The following CDKN2A variants were observed in gnomAD, a reference collection of about 807,000 sequenced individuals.
CDKN2A encodes the protein cyclin dependent kinase inhibitor 2A.
A neutral mutation model predicts 11.1 loss-of-function variants in CDKN2A; 3 were observed. That is an observed-to-expected ratio of 0.27 (90% CI 0.12 to 0.70). CDKN2A has a LOEUF of 0.70. Among genes scored for constraint, CDKN2A ranks in the 30% least tolerant of loss-of-function variants. The pLI is 0.77. For missense variants in CDKN2A, 265 were observed against 233.6 expected, an observed-to-expected ratio of 1.13 and a Z score of -0.88; for synonymous variants, 122 against 108.1, an observed-to-expected ratio of 1.13 and a Z score of -0.80.
chr9:21,974,751 T>A lies in CDKN2A; in HGVS notation c.77A>T (p.Glu26Val), dbSNP rs1457675338. 6.2e-7 allele frequency: 1 copy of A among 1,611,192 alleles called. No individual in the cohort carries two copies. Among genetic ancestry groups the A allele is most frequent in the Non-Finnish European group, 8.5e-7 (1 of 1,179,600 alleles). The change falls in exon 1 of 3, where the codon GAG becomes GTG. Residue 26 changes from glutamate (E) to valine (V), a missense_variant. Coordinates refer to ENST00000304494, the MANE Select transcript of CDKN2A (RefSeq NM_000077.5). This position sits in a 1 kb window ranked among gnomAD's most constrained non-coding sequence, Gnocchi z 5.2. ...LATAAARGRV[E>V]EVRALLEAGA... ...CGCCTCCAGCAGCGCCCGCACCTCCTCTACCCGACCCCGGGCCGCGGCCGT... is the reference window on the plus strand; with the variant it reads ...CGCCTCCAGCAGCGCCCGCACCTCCACTACCCGACCCCGGGCCGCGGCCGT...
Position 21,971,192 on chromosome 9 carries a change from C to A in CDKN2A, c.167G>T (p.Ser56Ile), listed in dbSNP as rs104894109. 2 of 1,597,782 alleles carry A rather than the reference C, an allele frequency of 1.3e-6. No homozygotes were observed. Among genetic ancestry groups the A allele is most frequent in the Non-Finnish European group, 1.7e-6 (2 of 1,178,928 alleles). ...RRPIQVMMMG[S>I]ARVAELLLLH... Reference sequence around the variant, plus strand: ...CAGCAGCAGCTCCGCCACTCGGGCGCTGCCCATCATCATGACCTGCCAGAG... The same window carrying A: ...CAGCAGCAGCTCCGCCACTCGGGCGATGCCCATCATCATGACCTGCCAGAG... The change falls in exon 2 of 3, where the codon AGC (serine) becomes ATC (isoleucine). Residue 56 changes from serine to isoleucine, a missense_variant. Coordinates refer to ENST00000304494, the MANE Select transcript of CDKN2A (RefSeq NM_000077.5).
chr9:21,976,041 C>A (rs1258373706), upstream of CDKN2A, among the ~76,000 whole-genome samples: 1 of 152,072 alleles, frequency 6.6e-6, no homozygotes. Context: ...TTGAATTATC[C>A]GCTTTGAGGA....
intron 2 of CDKN2A, among the ~76,000 whole-genome samples, chr9:21,987,424 CACACACACAGAGAGAGAGAGAGAG>C (rs1219642504): frequency 4.2e-5 from 5 of 119,134 alleles, no homozygotes; most frequent in Non-Finnish European, 8.9e-5. Context: ...CACACACACA[CACACACACAGAGAGAGAGAGAGAG>C]AGAGAGAGAT....
intron 2 of CDKN2A, among the ~76,000 whole-genome samples, chr9:21,981,590 G>A (rs1016277538): frequency 1.2e-4 from 18 of 151,054 alleles, no homozygotes; most frequent in African/African-American, 4.4e-4. Context: ...TAGAGTCCCT[G>A]TCCTAGTTCT....
intron 2 of CDKN2A, among the ~76,000 whole-genome samples, chr9:21,984,652 G>T (rs752625819): frequency 6.6e-6 from 1 of 151,900 alleles, no homozygotes; most frequent in African/African-American, 2.4e-5. Flanking sequence ...TAATGTATTC[G>T]GTTTTCACTA....
chr9:21,984,029 C>T (rs1240854185), intron 2 of CDKN2A, among the ~76,000 whole-genome samples: 7 of 151,824 alleles, frequency 4.6e-5, no homozygotes, highest in East Asian at 1.9e-4. Flanking sequence ...TCCGGGTGCA[C>T]GGTAGGCTCT....
chr9:21,970,943 C>A lies in CDKN2A; in HGVS notation c.416G>T (p.Gly139Val), dbSNP rs149937815. 6.2e-7 allele frequency: 1 copy of A among 1,612,280 alleles called. No individual in the cohort carries two copies. The change falls in exon 2 of 3, where the codon GGC (glycine) becomes GTC (valine). Residue 139 changes from glycine (G) to valine (V), a missense_variant. Physicochemically the swap from Gly to Val is moderately radical, Grantham distance 109 (BLOSUM62 -3). Transcript: ENST00000304494. ...GGCATCTATGCGGGCATGGTTACTGCCTCTGGTGCCCCCCGCAGCCGCGCG... is the reference window on the plus strand; with the variant it reads ...GGCATCTATGCGGGCATGGTTACTGACTCTGGTGCCCCCCGCAGCCGCGCG... ...YLRAAAGGTR[G>V]SNHARIDAAE...
At chr9:21,977,830 A>G (rs1820078100), upstream of CDKN2A, among the ~76,000 whole-genome samples, 1 of 152,182 alleles carries the variant, frequency 6.6e-6, no homozygotes. Context: ...CAGTGAATTC[A>G]GGGATTTCTC....
Position 21,967,998 on chromosome 9 carries a change from C to G in CDKN2A, c.*231G>C. 1 of 551,926 alleles carries G rather than the reference C, an allele frequency of 1.8e-6. No homozygotes were observed. Among genetic ancestry groups the G allele is most frequent in the Non-Finnish European group, 3.2e-6 (1 of 311,424 alleles). 34.2% of individuals were successfully genotyped at this position (551,926 alleles called of 1,614,324 possible). ...GTGAAAAGGCAGAAGCGGTGTTTTTCTTTTTTACATTTTTATAAGAATATA... is the reference window on the plus strand; with the variant it reads ...GTGAAAAGGCAGAAGCGGTGTTTTTGTTTTTTACATTTTTATAAGAATATA... On this transcript the variant is annotated 3_prime_UTR_variant, in exon 3 of 3. Transcript: ENST00000304494.
At position 21,987,432 on chromosome 9, in the gene CDKN2A, CAGAGAGAGAGAGAGAG is replaced by C. The variant is rs57973132; in HGVS notation, c.-4+6434_-4+6449del. On this transcript the variant is annotated intron_variant, in intron 2 of 3. Transcript: ENST00000494262. Reference sequence around the variant, plus strand: ...ACACACACACACACACACACACACACAGAGAGAGAGAGAGAGAGAGAGAGATCCATTCATCCTGCAC... The same window carrying C: ...ACACACACACACACACACACACACACAGAGAGAGATCCATTCATCCTGCAC... Among the ~76,000 whole-genome samples the C allele has an allele frequency of 2.6e-3, 362 of 138,198 alleles. 27 individuals carry two copies. Among genetic ancestry groups the C allele is most frequent in the Middle Eastern group, 0.015 (4 of 260 alleles). The allele number at this position is 138,198 out of a possible 152,430, so 90.7% of individuals were successfully genotyped here.
In CDKN2A at chr9:21,994,319, A is replaced by T. The variant is rs776987532; in HGVS notation, c.-175-266T>A. On this transcript the variant is annotated intron_variant, in intron 1 of 3. Coordinates refer to the CDKN2A transcript ENST00000494262. ...CGCCGAATCCGGAGGGTCACCAAGA[A>T]CCTGCGCACCATGTTCTCGCCGCCT... 8 of 1,605,614 alleles carry T rather than the reference A, an allele frequency of 5.0e-6. No homozygotes were observed. The highest frequency in any genetic ancestry group is 3.4e-5 in the Admixed American group (2 of 59,474).
upstream of CDKN2A, among the ~76,000 whole-genome samples, chr9:21,978,243 T>A (rs1563895246): frequency 6.6e-6 from 1 of 152,058 alleles, no homozygotes; most frequent in African/African-American, 2.4e-5. Flanking sequence ...ATTGTGCACA[T>A]GTACTCTAAA....
chr9:21,993,519 T>A (rs1243847844), intron 2 of CDKN2A, among the ~76,000 whole-genome samples: 8 of 152,102 alleles, frequency 5.3e-5, no homozygotes, highest in Admixed American at 5.2e-4. Context: ...TACCTCTAAC[T>A]CACAAAGAAA....
upstream of CDKN2A, among the ~76,000 whole-genome samples, chr9:21,975,630 A>G (rs1820005589): frequency 6.6e-6 from 1 of 152,174 alleles, no homozygotes; most frequent in Non-Finnish European, 1.5e-5. Context: ...AGACGTGTAC[A>G]TTGCCTGGTA....
chr9:21,970,774 C>A (rs565049888), intron 2 of CDKN2A, 128 bp downstream of exon 2: 1 of 1,196,956 alleles, frequency 8.4e-7, no homozygotes, highest in Non-Finnish European at 1.2e-6. Flanking sequence ...GGCCGTCCCA[C>A]CGATTGGCGC....
chr9:21,990,651 A>AGAGAGAGAGAGAGAGAGAGAGAGAGAC (rs1464228871), intron 2 of CDKN2A, among the ~76,000 whole-genome samples: 2 of 147,862 alleles, frequency 1.4e-5, no homozygotes, highest in South Asian at 2.1e-4. Context: ...AGAGAGAGAG[A>AGAGAGAGAGAGAGAGAGAGAGAGAGAC]AACTGTTTAC....
At chr9:21,993,521 A>T (rs1200169946) in intron 2 of CDKN2A, among the ~76,000 whole-genome samples, 1 of 152,054 alleles carries the variant, frequency 6.6e-6, no homozygotes, top group East Asian at 1.9e-4. Context: ...CCTCTAACTC[A>T]CAAAGAAAGC....
chr9:21,971,349 T>C, intron 1 of CDKN2A, 141 bp from the exon 2 acceptor site: 1 of 1,501,050 alleles, frequency 6.7e-7, no homozygotes, highest in Non-Finnish European at 8.8e-7. Flanking sequence ...GCTTCCAGTT[T>C]CCAATTTCCT....
At chr9:21,971,666 A>C (rs1370669742) in intron 1 of CDKN2A, among the ~76,000 whole-genome samples, 2 of 148,048 alleles carry the variant, frequency 1.4e-5, no homozygotes, top group Non-Finnish European at 3.0e-5. Context: ...TGTTAAAACA[A>C]ATTCTCACAA....
Sources: gnomAD v4.1 joint callset for allele counts (sites outside exome capture counted in the v4.1 genomes callset) on GRCh38, gnomAD v4.1.1 for gene constraint, Gnocchi (gnomAD v3.1) non-coding constraint, MANE v1.5 for transcripts, NCBI Gene and HGNC (gene_info 2026-07-23, HGNC 2026-07-21) for gene names.